EYS: variants seen among roughly 807,000 people sequenced by gnomAD.
EYS encodes the protein protein eyes shut homolog.
A neutral mutation model predicts 282.1 loss-of-function variants in EYS; 250 were observed. The ratio of observed to expected loss-of-function variants is 0.89; its 90% confidence interval spans 0.80 to 0.98. The LOEUF (loss-of-function observed/expected upper bound fraction) is 0.98, where lower values mean the gene tolerates loss of function less well. Ranked by LOEUF, EYS falls within the 50% of genes least tolerant of loss-of-function variation. EYS has a pLI of 0.00. For synonymous variants in EYS, 1,355 were observed against 1,282.9 expected (o/e 1.06, Z -1.20); for missense variants, 4,016 against 3,709.0 (o/e 1.08, Z -2.15).
intron 13 of EYS, among the ~76,000 whole-genome samples, chr6:65,020,915 G>C (rs1425732843): frequency 6.6e-6 from 1 of 152,146 alleles, no homozygotes; most frequent in Non-Finnish European, 1.5e-5. Flanking sequence ...AGCCTGAACT[G>C]TACATTTCCC....
chr6:64,380,855 A>G (rs1386848302), intron 29 of EYS, among the ~76,000 whole-genome samples: 1 of 152,052 alleles, frequency 6.6e-6, no homozygotes, highest in Non-Finnish European at 1.5e-5. Context: ...TCTCTACTAA[A>G]AATACAAAAA....
intron 19 of EYS, among the ~76,000 whole-genome samples, chr6:64,831,265 A>G (rs1433425957): frequency 1.3e-5 from 2 of 151,980 alleles, no homozygotes; most frequent in African/African-American, 2.4e-5. Context: ...AAAAATGTTG[A>G]AAGTGTATGA....
chr6:64,844,514 A>T (rs1463472483), intron 19 of EYS, among the ~76,000 whole-genome samples: 1 of 152,072 alleles, frequency 6.6e-6, no homozygotes, highest in Non-Finnish European at 1.5e-5. Flanking sequence ...GAGCAAGTAA[A>T]TCTGTCTCTT....
Position 64,685,766 on chromosome 6 carries a change from C to T in EYS, c.3444-59521G>A, listed in dbSNP as rs536596841. On this transcript the variant is annotated intron_variant, in intron 22 of 42. Coordinates refer to ENST00000503581, the MANE Select transcript of EYS (RefSeq NM_001142800.2). The stretch of plus-strand genomic sequence containing the variant: ...CAAATTTACTTGTAAGAGACCCACA[C>T]TCAGTATACTTCAGAATACACTATT... Among the ~76,000 whole-genome samples, 3 of 152,236 alleles carry T rather than the reference C, an allele frequency of 2.0e-5. No individual in the cohort carries two copies. The East Asian group carries it at 5.8e-4, about 29-fold the overall frequency.
intron 4 of EYS, 36 bp from the exon 5 acceptor site, chr6:65,490,743 T>C (rs1457159723): frequency 9.6e-7 from 1 of 1,044,046 alleles, no homozygotes; most frequent in Non-Finnish European, 1.5e-6. Context: ...TTACATTGGA[T>C]ATCAATATTA....
intron 8 of EYS, among the ~76,000 whole-genome samples, chr6:65,372,440 A>G (rs1448409610): frequency 7.2e-5 from 11 of 152,090 alleles, no homozygotes; most frequent in Admixed American, 7.2e-4. Context: ...CATAATAAAT[A>G]GTATTTAATT....
At chr6:64,356,522 A>G (rs1252467833) in intron 29 of EYS, among the ~76,000 whole-genome samples, 1 of 151,682 alleles carries the variant, frequency 6.6e-6, no homozygotes, top group African/African-American at 2.4e-5. Context: ...GAATATTTAA[A>G]TCATAATTCA....
chr6:63,980,241 G>A (rs1327859969), intron 35 of EYS, among the ~76,000 whole-genome samples: 1 of 151,574 alleles, frequency 6.6e-6, no homozygotes, highest in East Asian at 2.0e-4. Context: ...GCATTTTCAG[G>A]AGGTACAGAT....
At chr6:65,222,635 C>A (rs78670165) in intron 12 of EYS, among the ~76,000 whole-genome samples, 45 of 152,188 alleles carry the variant, frequency 3.0e-4, no homozygotes, top group African/African-American at 1.0e-3. Context: ...CAGAATCAAA[C>A]GGAAATATAA....
At chr6:65,153,577 TC>T (rs1474858197) in intron 12 of EYS, among the ~76,000 whole-genome samples, 8 of 151,976 alleles carry the variant, frequency 5.3e-5, no homozygotes, top group African/African-American at 1.9e-4. Context: ...GAGAAAATTT[TC>T]TTATAAACGT....
At chr6:63,901,630 G>A (rs1773661295) in intron 35 of EYS, among the ~76,000 whole-genome samples, 1 of 152,174 alleles carries the variant, frequency 6.6e-6, no homozygotes, top group South Asian at 2.1e-4. Flanking sequence ...GCAAGAGAAA[G>A]CCAACTCTTC....
chr6:64,608,526 T>A (rs1476204553), intron 24 of EYS, among the ~76,000 whole-genome samples: 2 of 152,200 alleles, frequency 1.3e-5, no homozygotes, highest in Non-Finnish European at 2.9e-5. Context: ...TAAGTAAACA[T>A]ACTGTTACTG....
chr6:64,897,521 A>T (rs1390029563), intron 18 of EYS, among the ~76,000 whole-genome samples: 1 of 152,206 alleles, frequency 6.6e-6, no homozygotes, highest in Non-Finnish European at 1.5e-5. Flanking sequence ...AAGGCTGAAA[A>T]TTTTAAAAAC....
At chr6:65,445,866 ATT>A (rs1768633318) in intron 5 of EYS, among the ~76,000 whole-genome samples, 1 of 151,752 alleles carries the variant, frequency 6.6e-6, no homozygotes, top group Admixed American at 6.6e-5. Flanking sequence ...TTCCTAAACT[ATT>A]TGTTTCCATA....
In EYS at chr6:64,945,773, G is replaced by A. The variant is rs964021430; in HGVS notation, c.2381+20C>T. ...CACTCCAAGTAATTTCATGAAGAAA[G>A]CTAAAAATATGTTACTCACCGATAG... On this transcript the variant is annotated intron_variant, in intron 15 of 42. Transcript: ENST00000503581. 2 of 1,547,006 alleles carry A rather than the reference G, an allele frequency of 1.3e-6. No homozygotes were observed.
chr6:64,757,791 G>GT (rs1407598278), intron 22 of EYS, among the ~76,000 whole-genome samples: 2 of 124,604 alleles, frequency 1.6e-5, no homozygotes, highest in African/African-American at 5.8e-5. Context: ...TGTGTGTTTT[G>GT]TTTGTTTGTT....
At chr6:65,545,795 C>A (rs1476614592) in intron 2 of EYS, among the ~76,000 whole-genome samples, 2 of 151,818 alleles carry the variant, frequency 1.3e-5, no homozygotes, top group Non-Finnish European at 2.9e-5. Flanking sequence ...TTACAAAGAC[C>A]AATTATTTCA....
At chr6:65,222,246 G>A (rs1766485615) in intron 12 of EYS, among the ~76,000 whole-genome samples, 1 of 152,138 alleles carries the variant, frequency 6.6e-6, no homozygotes, top group Non-Finnish European at 1.5e-5. Flanking sequence ...GATATGGTTT[G>A]GCTATGTCCT....
chr6:65,470,345 G>A (rs1207251981), intron 5 of EYS, among the ~76,000 whole-genome samples: 1 of 152,052 alleles, frequency 6.6e-6, no homozygotes, highest in African/African-American at 2.4e-5. Flanking sequence ...TGTAAATAAT[G>A]CATAAAATAC....
Sources: gnomAD v4.1 joint callset for allele counts (sites outside exome capture counted in the v4.1 genomes callset) on GRCh38, gnomAD v4.1.1 for gene constraint, MANE v1.5 for transcripts, NCBI Gene and HGNC (gene_info 2026-07-23, HGNC 2026-07-21) for gene names.